Variants in WDFY1 observed in about 807,000 individuals in gnomAD.
The protein encoded by WDFY1 is WD repeat and FYVE domain-containing protein 1.
Under a neutral mutation model 56.4 loss-of-function variants are expected in WDFY1, and 32 were observed. That is an observed-to-expected ratio of 0.57 (90% CI 0.43 to 0.76). The LOEUF (loss-of-function observed/expected upper bound fraction) is 0.76. Among genes scored for constraint, WDFY1 ranks in the 30% least tolerant of loss-of-function variants. The pLI is 0.00. For missense variants in WDFY1, 480 were observed against 545.7 expected, an observed-to-expected ratio of 0.88 and a Z score of 1.20; for synonymous variants, 192 against 197.3, an observed-to-expected ratio of 0.97 and a Z score of 0.23.
At chr2:223,942,940 C>T (rs1277340734) in intron 1 of WDFY1, among the ~76,000 whole-genome samples, 3 of 150,790 alleles carry the variant, frequency 2.0e-5, no homozygotes, top group African/African-American at 4.9e-5. Context: ...CCCAACACTT[C>T]GGGAGGCCAA....
intron 1 of WDFY1, among the ~76,000 whole-genome samples, chr2:223,925,794 G>A (rs1231638348): frequency 6.6e-6 from 1 of 152,166 alleles, no homozygotes; most frequent in Admixed American, 6.5e-5. Context: ...TTCATTAGAT[G>A]TTGATTCCAT....
At chr2:223,928,469 G>A (rs1694020912) in intron 1 of WDFY1, among the ~76,000 whole-genome samples, 1 of 152,244 alleles carries the variant, frequency 6.6e-6, no homozygotes, top group East Asian at 1.9e-4. Flanking sequence ...AGATACGGAG[G>A]CTGAGTTCTG....
chr2:223,885,359 T>C (rs612574), intron 8 of WDFY1, among the ~76,000 whole-genome samples: 63,268 of 151,690 alleles, frequency 0.42, 14,654 homozygotes, highest in Non-Finnish European at 0.52. Flanking sequence ...CCCAGCTAAT[T>C]TTTTATTTTT....
chr2:223,904,629 T>C (rs932931284), intron 4 of WDFY1, among the ~76,000 whole-genome samples: 1 of 152,168 alleles, frequency 6.6e-6, no homozygotes, highest in Non-Finnish European at 1.5e-5. Context: ...TATTAAAGTA[T>C]CCTATTATTA....
In WDFY1 at chr2:223,882,004, G is replaced by T; in HGVS notation, c.1002C>A (p.Val334=). ...CCCGGACTTGGAACTCGAAGCCCATGACTGGGTAACTTGAGCGCTTGCTGC... is the reference window on the plus strand; with the variant it reads ...CCCGGACTTGGAACTCGAAGCCCATTACTGGGTAACTTGAGCGCTTGCTGC... ...KCSSKRSSYP[V]MGFEFQVRVC... The change falls in exon 10 of 12, where the codon GTC becomes GTA. Residue 334 remains valine (V), a synonymous_variant. Transcript: ENST00000233055. 6.2e-7 allele frequency: 1 copy of T among 1,614,100 alleles called. No homozygotes were observed. Among genetic ancestry groups the T allele is most frequent in the South Asian group, 1.1e-5 (1 of 91,072 alleles).
chr2:223,915,086 A>C (rs1693765060), intron 2 of WDFY1, among the ~76,000 whole-genome samples: 1 of 152,238 alleles, frequency 6.6e-6, no homozygotes, highest in Non-Finnish European at 1.5e-5. Context: ...TGAAATAAAA[A>C]GTCATTCTAA....
chr2:223,901,839 T>C (rs1300661875), intron 4 of WDFY1, among the ~76,000 whole-genome samples: 1 of 152,218 alleles, frequency 6.6e-6, no homozygotes, highest in Non-Finnish European at 1.5e-5. Context: ...ATGTGTTTGG[T>C]TTCTGGAATA....
At chr2:223,900,500 T>C (rs1293126745) in intron 5 of WDFY1, among the ~76,000 whole-genome samples, 1 of 152,052 alleles carries the variant, frequency 6.6e-6, no homozygotes, top group East Asian at 1.9e-4. Flanking sequence ...CAGGCAGAGG[T>C]ATCCTTAGGT....
chr2:223,933,757 G>C (rs987255281), intron 1 of WDFY1, among the ~76,000 whole-genome samples: 1 of 151,384 alleles, frequency 6.6e-6, no homozygotes, highest in South Asian at 2.1e-4. Flanking sequence ...ACGAGTTCAA[G>C]ACCAGCCTGG....
intron 8 of WDFY1, among the ~76,000 whole-genome samples, chr2:223,891,065 G>A (rs1371267966): frequency 6.6e-6 from 1 of 151,970 alleles, no homozygotes. Context: ...TCTATGCCCT[G>A]GTCTAAGAAA....
At chr2:223,922,865 C>G (rs1693908741) in intron 1 of WDFY1, among the ~76,000 whole-genome samples, 1 of 152,204 alleles carries the variant, frequency 6.6e-6, no homozygotes, top group South Asian at 2.1e-4. Flanking sequence ...AGCCCAAAGT[C>G]AAAATCGAAC....
chr2:223,938,301 C>T (rs1366570350), intron 1 of WDFY1, among the ~76,000 whole-genome samples: 1 of 152,110 alleles, frequency 6.6e-6, no homozygotes, highest in East Asian at 1.9e-4. Flanking sequence ...ATTTATAAGG[C>T]TTTATAAAGC....
At chr2:223,896,953 G>A (rs539651121) in intron 6 of WDFY1, among the ~76,000 whole-genome samples, 15 of 152,074 alleles carry the variant, frequency 9.9e-5, no homozygotes, top group South Asian at 2.1e-4. Flanking sequence ...AAAAACTGGC[G>A]AGCCTGGGGG....
chr2:223,926,368 T>C (rs1204943239), intron 1 of WDFY1, among the ~76,000 whole-genome samples: 1 of 152,120 alleles, frequency 6.6e-6, no homozygotes, highest in Non-Finnish European at 1.5e-5. Flanking sequence ...GTCACTCAAG[T>C]GATCCTGCCA....
chr2:223,902,552 G>T (rs563459848), intron 4 of WDFY1, among the ~76,000 whole-genome samples: 5 of 152,186 alleles, frequency 3.3e-5, no homozygotes, highest in Admixed American at 1.3e-4. Context: ...GTAAGACAGC[G>T]AGACCCTGTC....
chr2:223,876,670 G>T lies in WDFY1; in HGVS notation c.*2001C>A, dbSNP rs1254861303. On this transcript the variant is annotated 3_prime_UTR_variant, in exon 12 of 12. Transcript: ENST00000233055. The stretch of plus-strand genomic sequence containing the variant: ...TCAAGAATTTCTTAAAATAAAAAAG[G>T]TTTGAAAGCTATGGAGTAAACTCAG... 6.6e-6 allele frequency: 1 copy of T among 152,090 alleles called. No homozygotes were observed. The allele number at this position is 152,090 out of a possible 1,614,324, so 9.4% of individuals were successfully genotyped here. A position where few individuals can be genotyped will look rare whatever the true frequency, so the allele number is the denominator to read the frequency against.
At chr2:223,925,775 C>T (rs981461075) in intron 1 of WDFY1, among the ~76,000 whole-genome samples, 11 of 152,208 alleles carry the variant, frequency 7.2e-5, no homozygotes, top group African/African-American at 2.4e-4. Context: ...CAACAATGTT[C>T]ACCGCATCTT....
intron 8 of WDFY1, among the ~76,000 whole-genome samples, chr2:223,892,972 G>C (rs1201356996): frequency 6.6e-6 from 1 of 152,142 alleles, no homozygotes; most frequent in African/African-American, 2.4e-5. Flanking sequence ...AATCTTCTCT[G>C]GAATCAACTT....
In WDFY1 at chr2:223,876,027, G is replaced by A. The variant is rs551372336; in HGVS notation, c.*2644C>T. ...CCTTTAGGTAGCAGGACAGAGCTAG[G>A]ACATAGTAAAGAGATTTACGATGTA... On this transcript the variant is annotated 3_prime_UTR_variant, in exon 12 of 12. Transcript: ENST00000233055. 5.3e-5 allele frequency: 8 copies of A among 152,192 alleles called. No homozygotes were observed. The highest frequency in any genetic ancestry group is 1.9e-4 in the African/African-American group (8 of 41,528). 9.4% of individuals were successfully genotyped at this position (152,192 alleles called of 1,614,324 possible). A position where few individuals can be genotyped will look rare whatever the true frequency, so the allele number is the denominator to read the frequency against.
Sources: allele counts gnomAD v4.1 joint callset (sites outside exome capture counted in the v4.1 genomes callset), GRCh38; gene constraint gnomAD v4.1.1; transcripts MANE v1.5; gene names NCBI Gene and HGNC (gene_info 2026-07-23, HGNC 2026-07-21).